Variants in GYPB observed in about 807,000 individuals in gnomAD.
GYPB encodes the protein glycophorin-B.
GYPB carries 13 observed loss-of-function variants against 15.3 expected under a neutral mutation model. That is an observed-to-expected ratio of 0.85 (90% confidence interval 0.55 to 1.35). The LOEUF (loss-of-function observed/expected upper bound fraction) is 1.35, where lower values mean the gene tolerates loss of function less well. Among genes scored for constraint, GYPB ranks in the 40% most tolerant of loss-of-function variants. The pLI is 0.00. For missense variants in GYPB, 131 were observed against 108.3 expected, an observed-to-expected ratio of 1.21 and a Z score of -0.93; for synonymous variants, 38 against 36.9, an observed-to-expected ratio of 1.03 and a Z score of -0.11.
intron 2 of GYPB, chr4:144,000,384 G>A (rs1448478061): frequency 1.1e-5 from 11 of 970,868 alleles, no homozygotes; most frequent in South Asian, 1.8e-5. Flanking sequence ...AGAACATAAC[G>A]TTTTTCTTTT....
At chr4:144,004,904 A>C (rs1203152511) in intron 1 of GYPB, among the ~76,000 whole-genome samples, 1 of 151,726 alleles carries the variant, frequency 6.6e-6, no homozygotes, top group Non-Finnish European at 1.5e-5. Context: ...TATACTATTT[A>C]GTTCAGTAAA....
At chr4:143,995,298 T>C (rs192395115), downstream of GYPB, among the ~76,000 whole-genome samples, 2 of 151,446 alleles carry the variant, frequency 1.3e-5, no homozygotes, top group African/African-American at 4.9e-5. Context: ...CAAATGCGGA[T>C]GTTGAACATA....
intron 1 of GYPB, among the ~76,000 whole-genome samples, chr4:144,007,081 T>C (rs2149963223): frequency 6.6e-6 from 1 of 150,854 alleles, no homozygotes; most frequent in African/African-American, 2.5e-5. Flanking sequence ...TAGATACCCA[T>C]ACTGTCTGTG....
intron 1 of GYPB, among the ~76,000 whole-genome samples, chr4:144,009,378 G>T (rs1042705657): frequency 6.6e-6 from 1 of 150,964 alleles, no homozygotes; most frequent in Non-Finnish European, 1.5e-5. Context: ...AAGGGAGAGA[G>T]AGTAACTACT....
At chr4:144,011,421 A>G (rs551487403) in intron 1 of GYPB, among the ~76,000 whole-genome samples, 1 of 151,236 alleles carries the variant, frequency 6.6e-6, no homozygotes, top group Non-Finnish European at 1.5e-5. Context: ...AACAGGAATA[A>G]CCATATTAAT....
chr4:144,001,116 C>T lies in GYPB; in HGVS notation c.136+69G>A. On this transcript the variant is annotated intron_variant, in intron 2 of 4. Coordinates refer to ENST00000502664, the MANE Select transcript of GYPB (RefSeq NM_002100.6). ...GTCAGTTTCTCTGCAGTGACAGGTC[C>T]CCTAAAATAGGGTTGCATCACAAAA... 11 of 1,611,160 alleles carry T rather than the reference C, an allele frequency of 6.8e-6. No individual in the cohort carries two copies. In the South Asian group the frequency reaches 1.2e-4, roughly 18 times the overall value.
chr4:144,004,898 C>T (rs1727816950), intron 1 of GYPB, among the ~76,000 whole-genome samples: 2 of 151,674 alleles, frequency 1.3e-5, no homozygotes, highest in Admixed American at 6.5e-5. Context: ...TAGCTATATA[C>T]TATTTAGTTC....
intron 1 of GYPB, chr4:144,002,637 G>A (rs1221753005): frequency 1.6e-5 from 21 of 1,285,958 alleles, no homozygotes; most frequent in Non-Finnish European, 2.1e-5. Context: ...AGTGGAGGTG[G>A]AAGGGCTTCT....
intron 1 of GYPB, among the ~76,000 whole-genome samples, chr4:144,003,746 A>T (rs1727739645): frequency 6.6e-6 from 1 of 151,400 alleles, no homozygotes; most frequent in African/African-American, 2.5e-5. Flanking sequence ...TACTCCTCAC[A>T]GTAAAAGAGC....
rs1419853542 is a variant in GYPB, at chr4:143,999,381, A to G, written c.175+30T>C. On this transcript the variant is annotated intron_variant, in intron 3 of 4. Transcript: ENST00000502664. ...GCAATGGATAGTTTAAAATGGAATG[A>G]CTTTTATTCTTTGTCAAATATTAAC... The G allele has an allele frequency of 5.4e-6, 7 of 1,299,216 alleles. No individual in the cohort carries two copies. In the African/African-American group the frequency reaches 7.5e-5, roughly 14 times the overall value. The allele number at this position is 1,299,216 out of a possible 1,614,324, so 80.5% of individuals were successfully genotyped here.
rs540525249 is a variant in GYPB, at chr4:143,996,868, GAATT to G, written c.271-568_271-565del. On this transcript the variant is annotated intron_variant, in intron 4 of 4. Transcript: ENST00000502664. The stretch of plus-strand genomic sequence containing the variant: ...GTAAAATCTGTTTCAGAACATGTGA[GAATT>G]AAGAAAGGCAAAAGTTTTATTTTAT... Among the ~76,000 whole-genome samples the G allele has an allele frequency of 3.9e-3, 478 of 124,092 alleles. 30 individuals are homozygous for G. The highest frequency in any genetic ancestry group is 0.015 in the African/African-American group (461 of 30,652). The allele number at this position is 124,092 out of a possible 152,430, so 81.4% of individuals were successfully genotyped here. A position where few individuals can be genotyped will look rare whatever the true frequency, so the allele number is the denominator to read the frequency against.
intron 1 of GYPB, among the ~76,000 whole-genome samples, chr4:144,008,073 A>C (rs371552589): frequency 4.6e-5 from 7 of 151,498 alleles, no homozygotes; most frequent in Admixed American, 2.0e-4. Context: ...TTTTTAAAAC[A>C]ACTAGCTGAG....
At chr4:143,999,247 T>C in intron 3 of GYPB, 164 bp downstream of exon 3, 1 of 556,950 alleles carries the variant, frequency 1.8e-6, no homozygotes, top group South Asian at 2.1e-5. Context: ...CCTATTTTAA[T>C]TTTAAAAAGA....
rs1296594263 is a variant in GYPB at position 144,009,003 on chromosome 4, A to G, written c.38-7720T>C. ...TATCTATAAAGTGAACAGCTACAGT[A>G]TGGGATATTAGCCTGAACAACTTTA... On this transcript the variant is annotated intron_variant, in intron 1 of 4. Transcript: ENST00000502664. Among the ~76,000 whole-genome samples, 3 of 151,538 alleles carry G rather than the reference A, an allele frequency of 2.0e-5. 1 individual carries two copies. Among genetic ancestry groups the G allele is most frequent in the African/African-American group, 7.4e-5 (3 of 40,804 alleles).
chr4:144,003,288 A>G (rs1285637894), intron 1 of GYPB, among the ~76,000 whole-genome samples: 4 of 151,242 alleles, frequency 2.6e-5, no homozygotes, highest in Admixed American at 6.6e-5. Flanking sequence ...AGTATGGAGG[A>G]TAACTTAGGG....
intron 1 of GYPB, among the ~76,000 whole-genome samples, chr4:144,004,667 A>T (rs1233994342): frequency 2.6e-5 from 4 of 151,650 alleles, no homozygotes; most frequent in African/African-American, 9.8e-5. Flanking sequence ...CTAAAGCTTC[A>T]TTCAAAATTC....
At chr4:143,995,489 T>C (rs1285517291), downstream of GYPB, among the ~76,000 whole-genome samples, 1 of 151,254 alleles carries the variant, frequency 6.6e-6, no homozygotes, top group African/African-American at 2.5e-5. Context: ...GTGCTGCACA[T>C]TGGGACCCCA....
intron 1 of GYPB, among the ~76,000 whole-genome samples, chr4:144,017,410 G>T (rs1728563464): frequency 6.6e-6 from 1 of 150,892 alleles, no homozygotes; most frequent in African/African-American, 2.5e-5. Context: ...TCAGTATGGG[G>T]GAAAAACTTG....
rs561696372 is a variant in GYPB at position 144,015,078 on chromosome 4, T to A, written c.37+4173A>T. On this transcript the variant is annotated intron_variant, in intron 1 of 4. Coordinates refer to ENST00000502664, the MANE Select transcript of GYPB (RefSeq NM_002100.6). ...ATGTCACAAATAGATTGTATAGTCA[T>A]AGTCTATGACCAACGTACAAAAATT... 2.6e-5 allele frequency among the ~76,000 whole-genome samples: 4 copies of A among 151,550 alleles called. No homozygotes were observed. In the South Asian group the frequency reaches 8.3e-4, roughly 31 times the overall value.
Sources: allele counts gnomAD v4.1 joint callset (sites outside exome capture counted in the v4.1 genomes callset), GRCh38; gene constraint gnomAD v4.1.1; transcripts MANE v1.5; gene names NCBI Gene and HGNC (gene_info 2026-07-23, HGNC 2026-07-21).